RGPD2: variants seen among roughly 807,000 people sequenced by gnomAD.
RGPD2 encodes the protein RANBP2 like and GRIP domain containing 2.
A neutral mutation model predicts 36.0 loss-of-function variants in RGPD2; 2 were observed. The observed-to-expected ratio is 0.06, with a 90% CI of 0.02 to 0.17. RGPD2 has a LOEUF of 0.17. RGPD2 is among the 10% of genes least tolerant of loss of function. The pLI, the probability that RGPD2 is intolerant of heterozygous loss-of-function variation, is 1.00. For synonymous variants in RGPD2, 19 were observed against 163.8 expected, an observed-to-expected ratio of 0.12 and a Z score of 6.75; for missense variants, 40 against 464.3, an observed-to-expected ratio of 0.09 and a Z score of 8.40.
the RGPD2 span, among the ~76,000 whole-genome samples, chr2:87,869,746 C>T: frequency 3.3e-5 from 5 of 152,172 alleles, no homozygotes; most frequent in South Asian, 4.1e-4. Context: ...TATTAAATTT[C>T]GAACACCTCT....
chr2:87,963,837 C>CTTTTTTTTT, the RGPD2 span, among the ~76,000 whole-genome samples: 1 of 88,856 alleles, frequency 1.1e-5, no homozygotes, highest in Non-Finnish European at 2.0e-5. Flanking sequence ...TTCTTTCTTT[C>CTTTTTTTTT]TTTTTTTTTT....
In RGPD2 at chr2:87,762,522, C is replaced by T. The variant is rs200356467; in HGVS notation, c.5237-5096G>A. On this transcript the variant is annotated intron_variant, in intron 22 of 22. Coordinates refer to ENST00000398146, the MANE Select transcript of RGPD2 (RefSeq NM_001078170.3). ...TGCCACTGCACTCCAGCCTGGGAAA[C>T]AGCGAGACTGTCTCAAAACAAACAA... is the stretch of plus-strand genomic sequence containing the variant. 5.9e-3 allele frequency among the ~76,000 whole-genome samples: 733 copies of T among 124,664 alleles called. 1 individual carries two copies. Among genetic ancestry groups the T allele is most frequent in the East Asian group, 0.055 (181 of 3,294 alleles). 81.8% of individuals were successfully genotyped at this position (124,664 alleles called of 152,430 possible).
At chr2:87,877,226 T>C in the RGPD2 span, among the ~76,000 whole-genome samples, 2 of 151,900 alleles carry the variant, frequency 1.3e-5, no homozygotes, top group East Asian at 1.9e-4. Flanking sequence ...TTGTTATGTG[T>C]GAATTTGATT....
the RGPD2 span, among the ~76,000 whole-genome samples, chr2:87,888,285 G>T: frequency 6.6e-6 from 1 of 151,708 alleles, no homozygotes; most frequent in African/African-American, 2.4e-5. Flanking sequence ...AGGATTTAAC[G>T]ATGCTGCTAT....
chr2:87,877,885 T>C, the RGPD2 span, among the ~76,000 whole-genome samples: 7,501 of 144,276 alleles, frequency 0.052, no homozygotes, highest in East Asian at 0.11. Flanking sequence ...GAGTTTCTGC[T>C]GAGAGGTCCA....
chr2:87,977,790 C>A, the RGPD2 span, among the ~76,000 whole-genome samples: 1 of 152,108 alleles, frequency 6.6e-6, no homozygotes, highest in Admixed American at 6.5e-5. Flanking sequence ...CCTGTATACA[C>A]AATATGCCTT....
At chr2:87,961,579 G>A in the RGPD2 span, among the ~76,000 whole-genome samples, 8 of 150,650 alleles carry the variant, frequency 5.3e-5, no homozygotes, top group African/African-American at 1.9e-4. Context: ...GTGGGCCCCT[G>A]TAATCCCAGC....
chr2:87,769,956 A>G (rs1053538001), intron 22 of RGPD2, among the ~76,000 whole-genome samples: 2 of 151,436 alleles, frequency 1.3e-5, no homozygotes, highest in African/African-American at 4.8e-5. Flanking sequence ...TGACAAAAAT[A>G]CTATTGTGGC....
At chr2:87,822,440 T>C (rs1330378123) in intron 1 of RGPD2, among the ~76,000 whole-genome samples, 1 of 141,200 alleles carries the variant, frequency 7.1e-6, no homozygotes, top group Non-Finnish European at 1.5e-5. Flanking sequence ...ACAGAACTTC[T>C]GGAAAATGGA....
At chr2:87,913,408 G>A in the RGPD2 span, among the ~76,000 whole-genome samples, 1 of 151,948 alleles carries the variant, frequency 6.6e-6, no homozygotes, top group Non-Finnish European at 1.5e-5. Flanking sequence ...TTGGGGAAGG[G>A]AGGAGGGATA....
Position 87,825,723 on chromosome 2 carries a change from G to A in RGPD2, c.7C>T (p.Arg3Cys), listed in dbSNP as rs1686778635. 8 of 1,599,938 alleles carry A rather than the reference G, an allele frequency of 5.0e-6. No individual in the cohort carries two copies. The highest frequency in any genetic ancestry group is 2.3e-4 in the Middle Eastern group (1 of 4,418). Residue 3 changes from arginine to cysteine, a missense_variant, in exon 1 of 23, where the codon CGC (arginine) becomes TGC (cysteine). Coordinates refer to ENST00000398146, the MANE Select transcript of RGPD2 (RefSeq NM_001078170.3). ...TACCGCTCCCCGTAGGCTTTGCTGC[G>A]CCTCATCGCACCGCCAACCTGGCTC... MR[R>C]SKAYGERYLA...
Position 87,783,449 on chromosome 2 carries a change from CTCT to C in RGPD2, c.3572_3574del (p.Lys1191del). On this transcript the variant is annotated inframe_deletion, in exon 20 of 23. Transcript: ENST00000398146. ...AAACGTTTTGAAATCTTTCAGTCCACTCTTCATTTCTTCAGCTCTCTGTATTAG... is the reference window on the plus strand; with the variant it reads ...AAACGTTTTGAAATCTTTCAGTCCACTCATTTCTTCAGCTCTCTGTATTAG... The C allele has an allele frequency of 1.6e-5, 4 of 245,272 alleles. No individual in the cohort carries two copies. The highest frequency in any genetic ancestry group is 2.6e-5 in the South Asian group (1 of 38,228). The allele number at this position is 245,272 out of a possible 1,614,324, so 15.2% of individuals were successfully genotyped here. A position where few individuals can be genotyped will look rare whatever the true frequency, so the allele number is the denominator to read the frequency against.
the RGPD2 span, among the ~76,000 whole-genome samples, chr2:87,865,942 AG>A: frequency 2.8e-5 from 1 of 35,302 alleles, no homozygotes; most frequent in Non-Finnish European, 6.1e-5. Flanking sequence ...TTTCTGTATT[AG>A]TTCCCTAATG....
At chr2:87,874,129 T>C in the RGPD2 span, among the ~76,000 whole-genome samples, 2 of 143,326 alleles carry the variant, frequency 1.4e-5, no homozygotes, top group South Asian at 4.3e-4. Flanking sequence ...CTTTGTTAGA[T>C]GGATACCTTG....
At chr2:87,860,728 T>TTG in the RGPD2 span, among the ~76,000 whole-genome samples, 3 of 152,048 alleles carry the variant, frequency 2.0e-5, no homozygotes, top group South Asian at 4.1e-4. Context: ...CAAAGTGTGT[T>TTG]TGTGTGTGTG....
Position 87,762,256 on chromosome 2 carries a change from TAGCA to T in RGPD2, c.5237-4834_5237-4831del, listed in dbSNP as rs974414144. On this transcript the variant is annotated intron_variant, in intron 22 of 22. Coordinates refer to ENST00000398146, the MANE Select transcript of RGPD2 (RefSeq NM_001078170.3). ...GCTAATTTGTCTTGGCAAAAGGCCT[TAGCA>T]AGCTGTGAGTGGTGGCTCATGCCTG... Among the ~76,000 whole-genome samples, 15 of 91,824 alleles carry T rather than the reference TAGCA, an allele frequency of 1.6e-4. 2 individuals are homozygous for T. Among genetic ancestry groups the T allele is most frequent in the Admixed American group, 2.4e-4 (2 of 8,412 alleles). 60.2% of individuals were successfully genotyped at this position (91,824 alleles called of 152,430 possible).
the RGPD2 span, among the ~76,000 whole-genome samples, chr2:87,984,001 G>A: frequency 4.0e-5 from 6 of 151,626 alleles, no homozygotes; most frequent in Admixed American, 3.3e-4. Flanking sequence ...ACGCAGAGGC[G>A]TGACGAACGC....
chr2:87,818,019 C>CT (rs1207719896), intron 2 of RGPD2, among the ~76,000 whole-genome samples: 18 of 103,202 alleles, frequency 1.7e-4, no homozygotes, highest in South Asian at 1.0e-3. Context: ...CAGATACTGA[C>CT]TAAAAAAAAA....
At chr2:87,853,795 C>G in the RGPD2 span, among the ~76,000 whole-genome samples, 68 of 152,118 alleles carry the variant, frequency 4.5e-4, no homozygotes, top group African/African-American at 1.5e-3. Flanking sequence ...TATGCTCTTT[C>G]TATTTTGTAC....
Sources: allele counts gnomAD v4.1 joint callset (sites outside exome capture counted in the v4.1 genomes callset), GRCh38; gene constraint gnomAD v4.1.1; transcripts MANE v1.5; gene names NCBI Gene and HGNC (gene_info 2026-07-23, HGNC 2026-07-21).